The following C17orf107 variants were observed in gnomAD, a reference collection of about 807,000 sequenced individuals.
C17orf107 encodes the protein chromosome 17 open reading frame 107, also known as uncharacterized protein C17orf107.
C17orf107 carries 9 observed loss-of-function variants against 8.9 expected under a neutral mutation model. That is an observed-to-expected ratio of 1.02 (90% CI 0.61 to 1.77). C17orf107 has a LOEUF of 1.77. Ranked by LOEUF, C17orf107 falls within the 40% of genes most tolerant of loss-of-function variation. The probability of loss-of-function intolerance (pLI) is 0.00; values close to 1 mark genes in which losing one functional copy is unlikely to be tolerated. For synonymous variants in C17orf107, 139 were observed against 120.3 expected, an observed-to-expected ratio of 1.16 and a Z score of -1.02; for missense variants, 281 against 249.0, an observed-to-expected ratio of 1.13 and a Z score of -0.86.
Position 4,902,140 on chromosome 17 carries a change from T to C in C17orf107, c.*1607T>C. On this transcript the variant is annotated 3_prime_UTR_variant, in exon 3 of 3. Coordinates refer to ENST00000381365, the MANE Select transcript of C17orf107 (RefSeq NM_001145536.2). This position sits in a 1 kb window ranked among gnomAD's most constrained non-coding sequence, Gnocchi z 4.0. ...TGCACAGGTCTGCACCCTCTCAGAG[T>C]ACCCCCTTCCCCAACCAAGTCCAGC... 1 of 1,612,800 alleles carries C rather than the reference T, an allele frequency of 6.2e-7. No individual in the cohort carries two copies. The highest frequency in any genetic ancestry group is 2.2e-5 in the East Asian group (1 of 44,730).
At chr17:4,906,546 CA>C (rs1268684213), downstream of C17orf107, among the ~76,000 whole-genome samples, 6 of 152,022 alleles carry the variant, frequency 3.9e-5, no homozygotes, top group Non-Finnish European at 7.4e-5. Flanking sequence ...AGACGCTTCT[CA>C]AAATAAGACA....
Position 4,899,974 on chromosome 17 carries a change from C to T in C17orf107, c.105C>T (p.Leu35=). ...LQPPLLSSLE[L]SVAAAHEYLE... is the part of the protein sequence containing the mutation. Reference sequence around the variant, plus strand: ...CCCCGCTTCTGTCTTCCCTGGAACTCTCCGTGGCCGCAGCCCATGAATATC... The same window carrying T: ...CCCCGCTTCTGTCTTCCCTGGAACTTTCCGTGGCCGCAGCCCATGAATATC... Residue 35 remains leucine (L), a synonymous_variant, in exon 2 of 3, where the codon CTC becomes CTT. Transcript: ENST00000381365. 1.9e-6 allele frequency: 3 copies of T among 1,551,544 alleles called. No individual in the cohort carries two copies. The highest frequency in any genetic ancestry group is 2.6e-6 in the Non-Finnish European group (3 of 1,146,964).
Position 4,900,867 on chromosome 17 carries a change from G to C in C17orf107, c.*334G>C, listed in dbSNP as rs1221054751. 6.2e-7 allele frequency: 1 copy of C among 1,614,194 alleles called. No individual in the cohort carries two copies. Among genetic ancestry groups the C allele is most frequent in the African/African-American group, 1.3e-5 (1 of 75,062 alleles). ...TGAGGAACAAGAAGACGGTCTGGGC[G>C]AGCAGGACGTTGATGGAGACCGTGC... On this transcript the variant is annotated 3_prime_UTR_variant, in exon 3 of 3. Transcript: ENST00000381365.
rs1969963105 is a variant in C17orf107 at position 4,900,956 on chromosome 17, C to T, written c.*423C>T. Reference sequence around the variant, plus strand: ...GGGCCCCGCCTCCCGGGAGCGAGCCCGGGTTTGGGGGTAGGTTCGGGGCCA... The same window carrying T: ...GGGCCCCGCCTCCCGGGAGCGAGCCTGGGTTTGGGGGTAGGTTCGGGGCCA... On this transcript the variant is annotated 3_prime_UTR_variant, in exon 3 of 3. Coordinates refer to ENST00000381365, the MANE Select transcript of C17orf107 (RefSeq NM_001145536.2). 3.1e-6 allele frequency: 5 copies of T among 1,613,926 alleles called. No individual in the cohort carries two copies. The highest frequency in any genetic ancestry group is 1.6e-4 in the Middle Eastern group (1 of 6,062).
Position 4,900,641 on chromosome 17 carries a change from C to T in C17orf107, c.*108C>T. On this transcript the variant is annotated 3_prime_UTR_variant, in exon 3 of 3. Transcript: ENST00000381365. ...CAGCAGCAGTGAGGAGGACGGCGGACCAGGGACTCCATCCCCGTACCAGCC... is the reference window on the plus strand; with the variant it reads ...CAGCAGCAGTGAGGAGGACGGCGGATCAGGGACTCCATCCCCGTACCAGCC... 1 of 1,458,676 alleles carries T rather than the reference C, an allele frequency of 6.9e-7. No homozygotes were observed. The highest frequency in any genetic ancestry group is 9.3e-7 in the Non-Finnish European group (1 of 1,071,490). 90.4% of individuals were successfully genotyped at this position (1,458,676 alleles called of 1,614,324 possible).
At position 4,901,986 on chromosome 17, in the gene C17orf107, G is replaced by A; in HGVS notation, c.*1453G>A. 2 of 1,613,984 alleles carry A rather than the reference G, an allele frequency of 1.2e-6. No homozygotes were observed. Among genetic ancestry groups the A allele is most frequent in the East Asian group, 2.2e-5 (1 of 44,874 alleles). On this transcript the variant is annotated 3_prime_UTR_variant, in exon 3 of 3. Coordinates refer to ENST00000381365, the MANE Select transcript of C17orf107 (RefSeq NM_001145536.2). ...GAAGGGGAAGTAGGTGACCTCCACTGCGCAGACGCTGCGGTAGATGGCCGG... is the reference window on the plus strand; with the variant it reads ...GAAGGGGAAGTAGGTGACCTCCACTACGCAGACGCTGCGGTAGATGGCCGG...
chr17:4,902,472 G>A lies in C17orf107; in HGVS notation c.*1939G>A. ...CACGATTCCAATCCAGACGCTAGTG[G>A]TGAGAGTCTCCTCTTTTTCATTCTG... On this transcript the variant is annotated 3_prime_UTR_variant, in exon 3 of 3. Coordinates refer to ENST00000381365, the MANE Select transcript of C17orf107 (RefSeq NM_001145536.2). The surrounding 1 kb of genome is among the most constrained non-coding windows in gnomAD (Gnocchi z 4.0). 10 of 1,614,186 alleles carry A rather than the reference G, an allele frequency of 6.2e-6. No homozygotes were observed. Among genetic ancestry groups the A allele is most frequent in the Non-Finnish European group, 8.5e-6 (10 of 1,180,028 alleles).
rs1970031535 is a variant in C17orf107, at chr17:4,902,691, C to T, written c.*2158C>T. ...AGTATCCTCAGGCTCCCGCACTGGC[C>T]GGCTTCCTGGGTCATAGTTGTTGAA... is the stretch of plus-strand genomic sequence containing the variant. On this transcript the variant is annotated 3_prime_UTR_variant, in exon 3 of 3. Transcript: ENST00000381365. This position sits in a 1 kb window ranked among gnomAD's most constrained non-coding sequence, Gnocchi z 4.0. 2 of 1,613,976 alleles carry T rather than the reference C, an allele frequency of 1.2e-6. No individual in the cohort carries two copies. Among genetic ancestry groups the T allele is most frequent in the Admixed American group, 1.7e-5 (1 of 60,006 alleles).
downstream of C17orf107, among the ~76,000 whole-genome samples, chr17:4,903,726 C>T (rs1215675187): frequency 6.6e-6 from 1 of 152,170 alleles, no homozygotes; most frequent in African/African-American, 2.4e-5. Context: ...CTTGTTTCTC[C>T]TTGTCTATCC....
chr17:4,904,160 A>G (rs928931404), downstream of C17orf107, among the ~76,000 whole-genome samples: 3 of 151,250 alleles, frequency 2.0e-5, no homozygotes, highest in Non-Finnish European at 4.4e-5. Context: ...CCCAGCCTCG[A>G]TGTTTTTTGT....
In C17orf107 at chr17:4,901,231, GCGCC is replaced by G. The variant is rs778873861; in HGVS notation, c.*703_*706del. 1 of 1,586,990 alleles carries G rather than the reference GCGCC, an allele frequency of 6.3e-7. No homozygotes were observed. Among genetic ancestry groups the G allele is most frequent in the South Asian group, 1.1e-5 (1 of 90,228 alleles). ...ACGGTCAGCTGGCTGTCAGAGCGGG[GCGCC>G]CGCCGAGCTGACAGCGGGCTGAAGA... On this transcript the variant is annotated 3_prime_UTR_variant, in exon 3 of 3. Transcript: ENST00000381365.
chr17:4,903,025 C>T (rs1247743244), downstream of C17orf107: 2 of 1,614,054 alleles, frequency 1.2e-6, no homozygotes, highest in Non-Finnish European at 1.7e-6. Flanking sequence ...TACCGAGAAG[C>T]CCCAAGAGGA....
In C17orf107 at chr17:4,899,750, A is replaced by G; in HGVS notation, c.-13A>G. On this transcript the variant is annotated 5_prime_UTR_variant, in exon 1 of 3. Transcript: ENST00000381365. ...CCCCCAGCCCTTCTCCTGTCCTACC[A>G]CTTGTGGCGGCCATGAAGGGGACCC... is the stretch of plus-strand genomic sequence containing the variant. 1 of 1,549,982 alleles carries G rather than the reference A, an allele frequency of 6.5e-7. No homozygotes were observed. The highest frequency in any genetic ancestry group is 8.7e-7 in the Non-Finnish European group (1 of 1,146,206).
chr17:4,901,830 A>T lies in C17orf107; in HGVS notation c.*1297A>T. 2 of 1,528,678 alleles carry T rather than the reference A, an allele frequency of 1.3e-6. No homozygotes were observed. The highest frequency in any genetic ancestry group is 1.4e-5 in the African/African-American group (1 of 72,798). The allele number at this position is 1,528,678 out of a possible 1,614,324, so 94.7% of individuals were successfully genotyped here. On this transcript the variant is annotated 3_prime_UTR_variant, in exon 3 of 3. Transcript: ENST00000381365. ...AGTGCCTACGCCTGGCTCCGCCTCCAGCGCGAAGCCCCGCCCCGAGGGCGG... is the reference window on the plus strand; with the variant it reads ...AGTGCCTACGCCTGGCTCCGCCTCCTGCGCGAAGCCCCGCCCCGAGGGCGG...
Position 4,901,943 on chromosome 17 carries a change from C to A in C17orf107, c.*1410C>A. 1 of 1,606,880 alleles carries A rather than the reference C, an allele frequency of 6.2e-7. No individual in the cohort carries two copies. The stretch of plus-strand genomic sequence containing the variant: ...GTAGCTCTTCCCACCGGAAAATAAG[C>A]GAACAGTTCTGCCAATCGAAGGGGA... On this transcript the variant is annotated 3_prime_UTR_variant, in exon 3 of 3. Coordinates refer to ENST00000381365, the MANE Select transcript of C17orf107 (RefSeq NM_001145536.2).
rs2151096733 is a variant in C17orf107 at position 4,900,467 on chromosome 17, G to A, written c.507G>A (p.Gln169=). 1 of 1,551,138 alleles carries A rather than the reference G, an allele frequency of 6.4e-7. No individual in the cohort carries two copies. The highest frequency in any genetic ancestry group is 8.7e-7 in the Non-Finnish European group (1 of 1,146,994). The change falls in exon 3 of 3, where the codon CAG becomes CAA. Residue 169 remains glutamine (Q), a synonymous_variant. Transcript: ENST00000381365. ...GLQGSASFLR[Q]SQQQLGLGIP... ...AGGGGTCTGCCTCATTCCTGCGACA[G>A]TCGCAACAGCAGCTAGGCCTCGGAA...
downstream of C17orf107, chr17:4,903,122 A>T (rs1970041104): frequency 1.3e-6 from 2 of 1,587,232 alleles, no homozygotes; most frequent in Non-Finnish European, 1.7e-6. Flanking sequence ...GGGGCATGCC[A>T]GGGTGCCTGT....
chr17:4,900,694 G>A lies in C17orf107; in HGVS notation c.*161G>A, dbSNP rs138412824. On this transcript the variant is annotated 3_prime_UTR_variant, in exon 3 of 3. Coordinates refer to ENST00000381365, the MANE Select transcript of C17orf107 (RefSeq NM_001145536.2). ...ACCCAGCGTCCGAATAAAGCCCAGG[G>A]CGGGGCGAGACAGCCAGAGCTTTTC... 8.9e-5 allele frequency: 130 copies of A among 1,466,718 alleles called. No homozygotes were observed. The highest frequency in any genetic ancestry group is 1.2e-4 in the Non-Finnish European group (128 of 1,075,736). The allele number at this position is 1,466,718 out of a possible 1,614,324, so 90.9% of individuals were successfully genotyped here. A position where few individuals can be genotyped will look rare whatever the true frequency, so the allele number is the denominator to read the frequency against.
rs747832866 is a variant in C17orf107, at chr17:4,902,119, C to T, written c.*1586C>T. The T allele has an allele frequency of 1.5e-5, 24 of 1,613,752 alleles. No homozygotes were observed. Among genetic ancestry groups the T allele is most frequent in the Non-Finnish European group, 1.9e-5 (23 of 1,179,946 alleles). ...GCTCGGGGAAACCGAGCTTTTTGCACAGGTCTGCACCCTCTCAGAGTACCC... is the reference window on the plus strand; with the variant it reads ...GCTCGGGGAAACCGAGCTTTTTGCATAGGTCTGCACCCTCTCAGAGTACCC... On this transcript the variant is annotated 3_prime_UTR_variant, in exon 3 of 3. Coordinates refer to ENST00000381365, the MANE Select transcript of C17orf107 (RefSeq NM_001145536.2). This position sits in a 1 kb window ranked among gnomAD's most constrained non-coding sequence, Gnocchi z 4.0.
Sources: allele counts gnomAD v4.1 joint callset (sites outside exome capture counted in the v4.1 genomes callset), GRCh38; gene constraint gnomAD v4.1.1; non-coding constraint Gnocchi (gnomAD v3.1); transcripts MANE v1.5; gene names NCBI Gene and HGNC (gene_info 2026-07-23, HGNC 2026-07-21).